The following DSCAML1 variants were observed in gnomAD, a reference collection of about 807,000 sequenced individuals.
DSCAML1 encodes the protein cell adhesion molecule DSCAML1.
Under a neutral mutation model 200.5 loss-of-function variants are expected in DSCAML1, and 38 were observed. The ratio of observed to expected loss-of-function variants is 0.19; its 90% CI spans 0.15 to 0.25. The LOEUF is 0.25. DSCAML1 is among the 10% of genes least tolerant of loss of function. The pLI, the probability that DSCAML1 is intolerant of heterozygous loss-of-function variation, is 1.00. For synonymous variants in DSCAML1, 1,215 were observed against 1,165.0 expected (o/e 1.04, Z -0.87); for missense variants, 2,223 against 2,858.8 (o/e 0.78, Z 5.07).
chr11:117,640,968 G>C (rs1315380633), intron 3 of DSCAML1, among the ~76,000 whole-genome samples: 4 of 152,144 alleles, frequency 2.6e-5, no homozygotes, highest in African/African-American at 9.7e-5. Context: ...ATAATACAAA[G>C]GCCAGACACA....
intron 3 of DSCAML1, among the ~76,000 whole-genome samples, chr11:117,596,550 T>C (rs779456855): frequency 1.2e-4 from 19 of 152,164 alleles, no homozygotes; most frequent in Non-Finnish European, 2.2e-4. Context: ...TGGAAACAGA[T>C]GCAAGATGAT....
intron 3 of DSCAML1, among the ~76,000 whole-genome samples, chr11:117,658,665 C>G (rs1362400997): frequency 6.6e-6 from 1 of 152,208 alleles, no homozygotes; most frequent in African/African-American, 2.4e-5. Flanking sequence ...GTTAACATCT[C>G]AGAAGAGTGT....
intron 3 of DSCAML1, among the ~76,000 whole-genome samples, chr11:117,761,166 G>T (rs2054794775): frequency 6.6e-6 from 1 of 152,058 alleles, no homozygotes; most frequent in Non-Finnish European, 1.5e-5. Context: ...TCCAGAGGAG[G>T]TCTCACACCT....
At chr11:117,607,916 T>C (rs2051604572) in intron 3 of DSCAML1, among the ~76,000 whole-genome samples, 1 of 152,252 alleles carries the variant, frequency 6.6e-6, no homozygotes, top group Admixed American at 6.5e-5. Flanking sequence ...AGAGCATGTA[T>C]GCATGAAATC....
Position 117,437,878 on chromosome 11 carries a change from A to C in DSCAML1, c.4432+17T>G. 2 of 1,582,642 alleles carry C rather than the reference A, an allele frequency of 1.3e-6. No individual in the cohort carries two copies. The highest frequency in any genetic ancestry group is 8.6e-7 in the Non-Finnish European group (1 of 1,166,936). The stretch of plus-strand genomic sequence containing the variant: ...GGGCCCATCGCTCCTTCCCTGCCCC[A>C]GTGGCCTGGGCCTCACCCCGCCCGT... On this transcript the variant is annotated intron_variant, in intron 25 of 32. Coordinates refer to ENST00000651296, the MANE Select transcript of DSCAML1 (RefSeq NM_020693.4). This position sits in a 1 kb window ranked among gnomAD's most constrained non-coding sequence, Gnocchi z 5.3.
chr11:117,547,335 G>T (rs1411030657), intron 3 of DSCAML1, among the ~76,000 whole-genome samples: 1 of 152,182 alleles, frequency 6.6e-6, no homozygotes, highest in Admixed American at 6.5e-5. Context: ...CTACCTCCTT[G>T]CAACAGAACC....
At chr11:117,631,460 G>T (rs1018761037) in intron 3 of DSCAML1, among the ~76,000 whole-genome samples, 5 of 152,192 alleles carry the variant, frequency 3.3e-5, no homozygotes, top group Non-Finnish European at 5.9e-5. Context: ...ACCCCAAACA[G>T]TCTTCTTAGT....
At chr11:117,792,179 T>A (rs989909105) in intron 1 of DSCAML1, among the ~76,000 whole-genome samples, 8 of 152,152 alleles carry the variant, frequency 5.3e-5, no homozygotes, top group Admixed American at 3.9e-4. Flanking sequence ...CCTCACCCCT[T>A]AGGCCTCCAT....
At chr11:117,591,609 G>A (rs1156934034) in intron 3 of DSCAML1, among the ~76,000 whole-genome samples, 1 of 152,208 alleles carries the variant, frequency 6.6e-6, no homozygotes, top group Admixed American at 6.5e-5. Flanking sequence ...GCACCTGGGT[G>A]GCATTCTCTG....
intron 3 of DSCAML1, among the ~76,000 whole-genome samples, chr11:117,570,456 A>G (rs894480445): frequency 6.6e-6 from 1 of 152,102 alleles, no homozygotes; most frequent in Non-Finnish European, 1.5e-5. Flanking sequence ...TTACTTGCAA[A>G]TTTATTTTAT....
At chr11:117,627,221 G>T (rs969236549) in intron 3 of DSCAML1, among the ~76,000 whole-genome samples, 1 of 152,144 alleles carries the variant, frequency 6.6e-6, no homozygotes, top group Non-Finnish European at 1.5e-5. Context: ...GAACGGAGAT[G>T]GCGGGAGTTT....
At chr11:117,581,406 C>A (rs2051036854) in intron 3 of DSCAML1, among the ~76,000 whole-genome samples, 1 of 152,212 alleles carries the variant, frequency 6.6e-6, no homozygotes, top group African/African-American at 2.4e-5. Context: ...AATCAAGATA[C>A]AGAACAGTTC....
intron 11 of DSCAML1, among the ~76,000 whole-genome samples, chr11:117,499,273 T>G (rs1401399534): frequency 6.6e-6 from 1 of 152,094 alleles, no homozygotes; most frequent in Non-Finnish European, 1.5e-5. Context: ...TTTCTTCTGT[T>G]AACTAAATTT....
intron 3 of DSCAML1, among the ~76,000 whole-genome samples, chr11:117,547,982 G>A (rs2050406602): frequency 6.6e-6 from 1 of 152,096 alleles, no homozygotes; most frequent in African/African-American, 2.4e-5. Flanking sequence ...CCTTCCTGGA[G>A]AAGACCCCCA....
chr11:117,755,888 C>T (rs924119652), intron 3 of DSCAML1, among the ~76,000 whole-genome samples: 12 of 152,158 alleles, frequency 7.9e-5, no homozygotes, highest in Non-Finnish European at 1.6e-4. Flanking sequence ...GCCACCGGCT[C>T]CTCTGGAGTT....
chr11:117,744,800 G>A (rs1056622518), intron 3 of DSCAML1, among the ~76,000 whole-genome samples: 2 of 152,236 alleles, frequency 1.3e-5, no homozygotes, highest in Non-Finnish European at 2.9e-5. Flanking sequence ...AGACCACAGG[G>A]GGCACAGAAG....
intron 18 of DSCAML1, among the ~76,000 whole-genome samples, chr11:117,460,652 C>T (rs913075828): frequency 2.0e-5 from 3 of 152,124 alleles, no homozygotes; most frequent in African/African-American, 7.2e-5. Context: ...GCTTGGTGTG[C>T]CTGCGGGAAG....
intron 3 of DSCAML1, among the ~76,000 whole-genome samples, chr11:117,689,964 T>A (rs57550545): frequency 6.6e-6 from 1 of 151,752 alleles, no homozygotes; most frequent in Non-Finnish European, 1.5e-5. Flanking sequence ...GAGGTGGGGA[T>A]GGGGGAAGGG....
intron 1 of DSCAML1, 77 bp downstream of exon 1, chr11:117,796,957 G>A: frequency 1.8e-6 from 2 of 1,135,944 alleles, no homozygotes; most frequent in Non-Finnish European, 2.3e-6. Flanking sequence ...GGAGCCCGCC[G>A]GGCACCCCGC....
Sources: gnomAD v4.1 joint callset for allele counts (sites outside exome capture counted in the v4.1 genomes callset) on GRCh38, gnomAD v4.1.1 for gene constraint, Gnocchi (gnomAD v3.1) non-coding constraint, MANE v1.5 for transcripts, NCBI Gene and HGNC (gene_info 2026-07-23, HGNC 2026-07-21) for gene names.